OR2A1: variants seen among roughly 807,000 people sequenced by gnomAD.
OR2A1 encodes olfactory receptor 2A1/2A42.
For synonymous variants in OR2A1, 2 were observed against 94.7 expected (o/e 0.02, Z 5.68); for missense variants, 1 against 212.3 (o/e 0.00, Z 6.19).
rs1306819109 is a variant in OR2A1 at position 144,322,447 on chromosome 7, T to A, written c.*3390T>A. 1 of 150,870 alleles carries A rather than the reference T, an allele frequency of 6.6e-6. No individual in the cohort carries two copies. Among genetic ancestry groups the A allele is most frequent in the Admixed American group, 6.6e-5 (1 of 15,222 alleles). 9.3% of individuals were successfully genotyped at this position (150,870 alleles called of 1,614,324 possible). On this transcript the variant is annotated 3_prime_UTR_variant, in exon 2 of 2. Transcript: ENST00000641044. The stretch of plus-strand genomic sequence containing the variant: ...TAATTATTGAGCACTTACTATGTGG[T>A]TGGCACTGCATAAAATGCTTTAGAA...
chr7:144,321,757 A>G lies in OR2A1; in HGVS notation c.*2700A>G, dbSNP rs1331816438. ...GACACATTTTTTTTCTGAAGACTTAAAAGTGCTATGTGAACATAAGATAAA... is the reference window on the plus strand; with the variant it reads ...GACACATTTTTTTTCTGAAGACTTAGAAGTGCTATGTGAACATAAGATAAA... On this transcript the variant is annotated 3_prime_UTR_variant, in exon 2 of 2. Coordinates refer to ENST00000641044, the MANE Select transcript of OR2A1 (RefSeq NM_001005287.2). 6.7e-6 allele frequency: 1 copy of G among 148,962 alleles called. No homozygotes were observed. The highest frequency in any genetic ancestry group is 2.5e-5 in the African/African-American group (1 of 39,512). 9.2% of individuals were successfully genotyped at this position (148,962 alleles called of 1,614,324 possible). A position where few individuals can be genotyped will look rare whatever the true frequency, so the allele number is the denominator to read the frequency against.
rs1392214503 is a variant in OR2A1 at position 144,322,419 on chromosome 7, T to G, written c.*3362T>G. 6.6e-6 allele frequency: 1 copy of G among 150,858 alleles called. No individual in the cohort carries two copies. Among genetic ancestry groups the G allele is most frequent in the Non-Finnish European group, 1.5e-5 (1 of 67,784 alleles). 9.3% of individuals were successfully genotyped at this position (150,858 alleles called of 1,614,324 possible). A position where few individuals can be genotyped will look rare whatever the true frequency, so the allele number is the denominator to read the frequency against. ...ACTACAGTAGAAATTTAATTGTAGCTGATAATTATTGAGCACTTACTATGT... is the reference window on the plus strand; with the variant it reads ...ACTACAGTAGAAATTTAATTGTAGCGGATAATTATTGAGCACTTACTATGT... On this transcript the variant is annotated 3_prime_UTR_variant, in exon 2 of 2. Coordinates refer to ENST00000641044, the MANE Select transcript of OR2A1 (RefSeq NM_001005287.2).
chr7:144,313,418 T>TTGTTTGTC, intron 1 of OR2A1, among the ~76,000 whole-genome samples: 1 of 86,602 alleles, frequency 1.2e-5, no homozygotes, highest in Non-Finnish European at 2.2e-5. Context: ...TGTTGTTTGT[T>TTGTTTGTC]TTTTTACCAT....
rs138339026 is a variant in OR2A1 at position 144,320,426 on chromosome 7, G to GCA, written c.*1392_*1393dup. 0.3 allele frequency: 36,812 copies of GCA among 123,420 alleles called. 7,503 individuals carry two copies. Among genetic ancestry groups the GCA allele is most frequent in the Non-Finnish European group, 0.35 (21,778 of 61,760 alleles). The allele number at this position is 123,420 out of a possible 1,614,324, so 7.6% of individuals were successfully genotyped here. A position where few individuals can be genotyped will look rare whatever the true frequency, so the allele number is the denominator to read the frequency against. ...CTCACATGCTCACGTACATGCGTGT[G>GCA]CACACACACACACACACACACACAT... On this transcript the variant is annotated 3_prime_UTR_variant, in exon 2 of 2. Transcript: ENST00000641044.
intron 1 of OR2A1, among the ~76,000 whole-genome samples, chr7:144,316,318 T>C (rs2053078362): frequency 6.8e-6 from 1 of 147,464 alleles, no homozygotes; most frequent in African/African-American, 2.5e-5. Flanking sequence ...ATTAGATTAG[T>C]TTTTTAACTT....
At chr7:144,316,158 C>T (rs1436452714) in intron 1 of OR2A1, among the ~76,000 whole-genome samples, 1 of 150,746 alleles carries the variant, frequency 6.6e-6, no homozygotes, top group Non-Finnish European at 1.5e-5. Flanking sequence ...AAATATAACC[C>T]TTGGCCATGT....
intron 1 of OR2A1, among the ~76,000 whole-genome samples, chr7:144,316,861 GA>G (rs1396520275): frequency 6.6e-4 from 82 of 124,604 alleles, no homozygotes; most frequent in African/African-American, 2.4e-3. Context: ...TTTTTCTTCA[GA>G]GATAAGCAGG....
rs1366797073 is a variant in OR2A1 at position 144,313,396 on chromosome 7, G to GT, written c.-5+849_-5+850insT. ...AATGAATGCCTAAATATCATTTTTT[G>GT]GTTTTTTTTGTTGTTGTTTGTTTTT... On this transcript the variant is annotated intron_variant, in intron 1 of 1. Transcript: ENST00000641044. Among the ~76,000 whole-genome samples, 3 of 60,292 alleles carry GT rather than the reference G, an allele frequency of 5.0e-5. 1 individual carries two copies. The highest frequency in any genetic ancestry group is 8.3e-5 in the Non-Finnish European group (3 of 35,956). 39.6% of individuals were successfully genotyped at this position (60,292 alleles called of 152,430 possible).
At position 144,322,417 on chromosome 7, in the gene OR2A1, G is replaced by C. The variant is rs1189462257; in HGVS notation, c.*3360G>C. 6.6e-6 allele frequency: 1 copy of C among 150,732 alleles called. No individual in the cohort carries two copies. Among genetic ancestry groups the C allele is most frequent in the African/African-American group, 2.5e-5 (1 of 40,780 alleles). The allele number at this position is 150,732 out of a possible 1,614,324, so 9.3% of individuals were successfully genotyped here. ...ATACTACAGTAGAAATTTAATTGTA[G>C]CTGATAATTATTGAGCACTTACTAT... On this transcript the variant is annotated 3_prime_UTR_variant, in exon 2 of 2. Coordinates refer to ENST00000641044, the MANE Select transcript of OR2A1 (RefSeq NM_001005287.2).
chr7:144,313,256 A>G (rs1362685204), intron 1 of OR2A1, among the ~76,000 whole-genome samples: 1 of 101,996 alleles, frequency 9.8e-6, no homozygotes, highest in Non-Finnish European at 2.0e-5. Flanking sequence ...AATCAAATTG[A>G]TATCTAGTTA....
chr7:144,316,007 T>A (rs1401315349), intron 1 of OR2A1, among the ~76,000 whole-genome samples: 3 of 123,270 alleles, frequency 2.4e-5, no homozygotes, highest in Non-Finnish European at 3.6e-5. Context: ...CTCAAAAAAA[T>A]AAATAAATAA....
intron 1 of OR2A1, among the ~76,000 whole-genome samples, chr7:144,313,397 G>GT (rs1563098912): frequency 3.4e-5 from 2 of 58,312 alleles, no homozygotes; most frequent in Non-Finnish European, 5.8e-5. Flanking sequence ...TCATTTTTTG[G>GT]TTTTTTTTGT....
At chr7:144,316,565 T>C (rs1490299464) in intron 1 of OR2A1, among the ~76,000 whole-genome samples, 1 of 150,954 alleles carries the variant, frequency 6.6e-6, no homozygotes, top group East Asian at 1.9e-4. Context: ...TAGCTCCTGC[T>C]TATATGTGAG....
intron 1 of OR2A1, among the ~76,000 whole-genome samples, chr7:144,316,262 G>C (rs1173894287): frequency 1.4e-5 from 2 of 144,918 alleles, no homozygotes; most frequent in East Asian, 3.9e-4. Flanking sequence ...ACAATCATTT[G>C]TTACCACTGG....
At position 144,322,713 on chromosome 7, in the gene OR2A1, A is replaced by G. The variant is rs1228823546; in HGVS notation, c.*3656A>G. On this transcript the variant is annotated 3_prime_UTR_variant, in exon 2 of 2. Coordinates refer to ENST00000641044, the MANE Select transcript of OR2A1 (RefSeq NM_001005287.2). ...ACAGGCCTGTTCATAGTAGACACACAATAAACTTTGACTAAATGAACAAAT... is the reference window on the plus strand; with the variant it reads ...ACAGGCCTGTTCATAGTAGACACACGATAAACTTTGACTAAATGAACAAAT... 2.0e-5 allele frequency: 3 copies of G among 150,594 alleles called. No individual in the cohort carries two copies. Among genetic ancestry groups the G allele is most frequent in the Non-Finnish European group, 4.4e-5 (3 of 67,746 alleles). 9.3% of individuals were successfully genotyped at this position (150,594 alleles called of 1,614,324 possible).
Position 144,322,425 on chromosome 7 carries a change from T to C in OR2A1, c.*3368T>C, listed in dbSNP as rs112885268. The stretch of plus-strand genomic sequence containing the variant: ...GTAGAAATTTAATTGTAGCTGATAA[T>C]TATTGAGCACTTACTATGTGGTTGG... On this transcript the variant is annotated 3_prime_UTR_variant, in exon 2 of 2. Transcript: ENST00000641044. 0.042 allele frequency: 6,117 copies of C among 144,386 alleles called. 46 individuals are homozygous for C. Among genetic ancestry groups the C allele is most frequent in the Middle Eastern group, 0.071 (19 of 268 alleles). 8.9% of individuals were successfully genotyped at this position (144,386 alleles called of 1,614,324 possible).
Position 144,320,316 on chromosome 7 carries a change from A to T in OR2A1, c.*1259A>T. ...AGGGTGGGAGTAGAGGCTGTTCTCA[A>T]TGAGATTAGAGAGTAAGTTTAGAAC... is the stretch of plus-strand genomic sequence containing the variant. On this transcript the variant is annotated 3_prime_UTR_variant, in exon 2 of 2. Coordinates refer to ENST00000641044, the MANE Select transcript of OR2A1 (RefSeq NM_001005287.2). The T allele has an allele frequency of 8.7e-6, 1 of 115,142 alleles. No individual in the cohort carries two copies. Among genetic ancestry groups the T allele is most frequent in the South Asian group, 2.8e-4 (1 of 3,522 alleles). The allele number at this position is 115,142 out of a possible 1,614,324, so 7.1% of individuals were successfully genotyped here.
Position 144,318,970 on chromosome 7 carries a change from AAC to A in OR2A1, c.849_850del (p.Leu284Ter), listed in dbSNP as rs1377160220. 1.6e-4 allele frequency: 83 copies of A among 524,004 alleles called. No homozygotes were observed. In the African/African-American group the frequency reaches 1.8e-3, roughly 11 times the overall value. 32.5% of individuals were successfully genotyped at this position (524,004 alleles called of 1,614,324 possible). ...TTCTATTTTACAGTTTTTTCAACCC[AAC>A]ACTTAACCCCCTGATTTACAGCCTG... ...FFLFYSFFNPTLNPLIYSLRN... is the reference protein window; with the variant it reads ...FFLFYSFFNPXLNPLIYSLRN... On this transcript the variant is annotated frameshift_variant, in exon 2 of 2. Transcript: ENST00000641044. LOFTEE classifies it low-confidence loss of function (END_TRUNC).
intron 1 of OR2A1, among the ~76,000 whole-genome samples, chr7:144,313,396 G>GTTT (rs1366797073): frequency 2.2e-4 from 13 of 60,250 alleles, no homozygotes; most frequent in African/African-American, 1.3e-3. Context: ...ATCATTTTTT[G>GTTT]GTTTTTTTTG....
Sources: gnomAD v4.1 joint callset for allele counts (sites outside exome capture counted in the v4.1 genomes callset) on GRCh38, gnomAD v4.1.1 for gene constraint, MANE v1.5 for transcripts, NCBI Gene and HGNC (gene_info 2026-07-23, HGNC 2026-07-21) for gene names.